The following SPARCL1 variants were observed in gnomAD, a reference collection of about 807,000 sequenced individuals.
The protein encoded by SPARCL1 is SPARC like 1, also known as SPARC-like protein 1.
Under a neutral mutation model 67.1 loss-of-function variants are expected in SPARCL1, and 52 were observed. That is an observed-to-expected ratio of 0.78 (90% CI 0.62 to 0.98). The LOEUF (loss-of-function observed/expected upper bound fraction) is 0.98. SPARCL1 is among the 50% of genes least tolerant of loss of function. The probability of loss-of-function intolerance (pLI) is 0.00; values close to 1 mark genes in which losing one functional copy is unlikely to be tolerated. For missense variants in SPARCL1, 717 were observed against 782.4 expected (o/e 0.92, Z 1.00); for synonymous variants, 226 against 267.8 (o/e 0.84, Z 1.52).
chr4:87,483,771 G>A (rs907296107), intron 7 of SPARCL1, among the ~76,000 whole-genome samples: 2 of 152,056 alleles, frequency 1.3e-5, no homozygotes, highest in Non-Finnish European at 2.9e-5. Flanking sequence ...TTTAATGATC[G>A]CCATTCTAAC....
At chr4:87,492,350 A>AGAGGTTGCAGTGAGCC (rs553727272) in intron 4 of SPARCL1, among the ~76,000 whole-genome samples, 329 of 151,480 alleles carry the variant, frequency 2.2e-3, no homozygotes, top group African/African-American at 7.7e-3. Flanking sequence ...CCTGGGAGGC[A>AGAGGTTGCAGTGAGCC]GAGGTTGCAG....
rs181076021 is a variant in SPARCL1 at position 87,501,694 on chromosome 4, T to C, written c.-11-2109A>G. On this transcript the variant is annotated intron_variant, in intron 1 of 10. Coordinates refer to ENST00000282470, the MANE Select transcript of SPARCL1 (RefSeq NM_004684.6). The stretch of plus-strand genomic sequence containing the variant: ...TTCTGAAATATTACCATCTCTGCCT[T>C]AGTTTGGATACTTTTACATTTAGTT... 1.7e-3 allele frequency among the ~76,000 whole-genome samples: 258 copies of C among 152,280 alleles called. 1 individual carries two copies. The highest frequency in any genetic ancestry group is 5.9e-3 in the African/African-American group (245 of 41,570).
rs1724530582 is a variant in SPARCL1 at position 87,494,491 on chromosome 4, A to G, written c.309T>C (p.Ser103=). 3.1e-6 allele frequency: 5 copies of G among 1,614,032 alleles called. No homozygotes were observed. The highest frequency in any genetic ancestry group is 4.2e-6 in the Non-Finnish European group (5 of 1,179,988). The change falls in exon 4 of 11, where the codon AGT becomes AGC. Residue 103 remains serine (S), a synonymous_variant. Transcript: ENST00000282470. ...CCAAATTCACACTTAAGTGACCATC[A>G]CTGTCCTCTTGATCCTTCAATCCCA... ...QELGLKDQED[S]DGHLSVNLEY...
Position 87,473,778 on chromosome 4 carries a change from A to G in SPARCL1, c.1992T>C (p.Phe664=). 2 of 1,609,584 alleles carry G rather than the reference A, an allele frequency of 1.2e-6. No individual in the cohort carries two copies. The highest frequency in any genetic ancestry group is 1.7e-6 in the Non-Finnish European group (2 of 1,176,850). The change falls in exon 11 of 11, where the codon TTT becomes TTC. Residue 664 remains phenylalanine (F), a synonymous_variant. Coordinates refer to ENST00000282470, the MANE Select transcript of SPARCL1 (RefSeq NM_004684.6). ...TTGAGTTCTTTAAAATCTTCGTTCA[A>G]AACAAGAGATTTTCATCTATGTCCT... The part of the protein sequence containing the change: ...KEEDIDENLL[F]
chr4:87,476,871 G>A lies in SPARCL1; in HGVS notation c.1966+2559C>T, dbSNP rs138005821. 8.5e-5 allele frequency among the ~76,000 whole-genome samples: 13 copies of A among 152,288 alleles called. No individual in the cohort carries two copies. In the East Asian group the frequency reaches 2.5e-3, roughly 29 times the overall value. On this transcript the variant is annotated intron_variant, in intron 10 of 10. Coordinates refer to ENST00000282470, the MANE Select transcript of SPARCL1 (RefSeq NM_004684.6). ...CATTGGCTAAACTTTATCTTCTCCT[G>A]TAGATTTCTCAGCCTTGAAGGAAAG...
At chr4:87,486,023 G>C (rs1246850892) in intron 7 of SPARCL1, among the ~76,000 whole-genome samples, 1 of 151,960 alleles carries the variant, frequency 6.6e-6, no homozygotes, top group Non-Finnish European at 1.5e-5. Flanking sequence ...CCAGCTCCTA[G>C]GTTCATTGAT....
intron 1 of SPARCL1, among the ~76,000 whole-genome samples, chr4:87,516,083 C>T (rs1212281521): frequency 1.3e-5 from 2 of 152,152 alleles, no homozygotes; most frequent in South Asian, 4.1e-4. Context: ...TACCTAATCT[C>T]CTGGAAAACT....
At chr4:87,497,803 T>G (rs1290116789) in intron 2 of SPARCL1, among the ~76,000 whole-genome samples, 1 of 152,224 alleles carries the variant, frequency 6.6e-6, no homozygotes, top group African/African-American at 2.4e-5. Flanking sequence ...TCACCCAGGC[T>G]GGAGTGCTGT....
intron 1 of SPARCL1, among the ~76,000 whole-genome samples, chr4:87,511,032 AGCAGG>A (rs1481530619): frequency 6.6e-6 from 1 of 152,140 alleles, no homozygotes; most frequent in Non-Finnish European, 1.5e-5. Context: ...CAAGGGATTG[AGCAGG>A]GCGGGCTGAG....
chr4:87,501,104 T>TAAC (rs1314816464), intron 1 of SPARCL1, among the ~76,000 whole-genome samples: 1 of 152,156 alleles, frequency 6.6e-6, no homozygotes, highest in East Asian at 1.9e-4. Context: ...GTAACAACAA[T>TAAC]AACAACAACA....
At chr4:87,495,872 A>G (rs1165826946) in intron 2 of SPARCL1, among the ~76,000 whole-genome samples, 2 of 152,222 alleles carry the variant, frequency 1.3e-5, no homozygotes, top group Admixed American at 1.3e-4. Context: ...CGGAGGTTGC[A>G]GTGAGCTGAG....
intron 1 of SPARCL1, among the ~76,000 whole-genome samples, chr4:87,511,892 C>A (rs771041718): frequency 3.3e-5 from 5 of 151,456 alleles, no homozygotes; most frequent in Non-Finnish European, 5.9e-5. Context: ...AGGGAATATG[C>A]AGTTACAGGA....
chr4:87,516,179 G>A (rs1456774208), intron 1 of SPARCL1, among the ~76,000 whole-genome samples: 1 of 152,158 alleles, frequency 6.6e-6, no homozygotes, highest in Non-Finnish European at 1.5e-5. Flanking sequence ...CTTTGCATCT[G>A]TCCTTGCAAA....
chr4:87,474,397 T>C (rs1037381036), intron 10 of SPARCL1, among the ~76,000 whole-genome samples: 2 of 96,806 alleles, frequency 2.1e-5, no homozygotes, highest in Non-Finnish European at 4.2e-5. Flanking sequence ...TTATGGACTT[T>C]GATTTTTTTT....
intron 4 of SPARCL1, 68 bp downstream of exon 4, chr4:87,493,514 A>G: frequency 1.4e-6 from 2 of 1,402,388 alleles, no homozygotes; most frequent in South Asian, 2.7e-5. Context: ...GAGAGCACAG[A>G]GAAAGGTCAT....
intron 7 of SPARCL1, among the ~76,000 whole-genome samples, chr4:87,489,273 C>T (rs952233735): frequency 6.6e-5 from 10 of 152,176 alleles, no homozygotes; most frequent in African/African-American, 2.2e-4. Flanking sequence ...GTGGGAAAAG[C>T]GTAGTATCTG....
At chr4:87,506,778 CTATCATCTATCTA>C (rs1725095350) in intron 1 of SPARCL1, among the ~76,000 whole-genome samples, 1 of 46,968 alleles carries the variant, frequency 2.1e-5, no homozygotes, top group East Asian at 2.9e-3. Flanking sequence ...CTCTATCTAT[CTATCATCTATCTA>C]TCTATCTATC....
chr4:87,508,782 A>ATGTGTGTGTGTGTG (rs71667857), intron 1 of SPARCL1, among the ~76,000 whole-genome samples: 13 of 140,098 alleles, frequency 9.3e-5, no homozygotes, highest in African/African-American at 3.4e-4. Context: ...GATGAAACAT[A>ATGTGTGTGTGTGTG]TGTGTGTGTG....
intron 1 of SPARCL1, among the ~76,000 whole-genome samples, chr4:87,516,035 G>C (rs1363513130): frequency 6.6e-6 from 1 of 152,140 alleles, no homozygotes; most frequent in Non-Finnish European, 1.5e-5. Flanking sequence ...GATGTTCTGG[G>C]ACTTCTGAGG....
Sources: allele counts gnomAD v4.1 joint callset (sites outside exome capture counted in the v4.1 genomes callset), GRCh38; gene constraint gnomAD v4.1.1; transcripts MANE v1.5; gene names NCBI Gene and HGNC (gene_info 2026-07-23, HGNC 2026-07-21).